BBS5: variants seen among roughly 807,000 people sequenced by gnomAD.
BBS5 encodes BBSome complex member BBS5.
Under a neutral mutation model 50.2 loss-of-function variants are expected in BBS5, and 39 were observed. The ratio of observed to expected loss-of-function variants is 0.78; its 90% CI spans 0.60 to 1.01. The LOEUF (loss-of-function observed/expected upper bound fraction) is 1.01, where lower values mean the gene tolerates loss of function less well. BBS5 is among the 50% of genes least tolerant of loss of function. The pLI is 0.00. For missense variants in BBS5, 356 were observed against 401.5 expected (o/e 0.89, Z 0.97); for synonymous variants, 134 against 133.1 (o/e 1.01, Z -0.05).
At chr2:169,483,894 G>T (rs1350440024) in intron 2 of BBS5, among the ~76,000 whole-genome samples, 2 of 152,156 alleles carry the variant, frequency 1.3e-5, no homozygotes, top group African/African-American at 4.8e-5. Context: ...TATCAAGATG[G>T]CTGTATCTTG....
rs868495844 is a variant in BBS5 at position 169,499,285 on chromosome 2, A to G, written c.682-201A>G. ...ACATGTTGCTGCTTCTTGAAGCTGG[A>G]TGATGGCTCCGTGGAGGCCCCCTTG... On this transcript the variant is annotated intron_variant, in intron 8 of 11. Coordinates refer to ENST00000295240, the MANE Select transcript of BBS5 (RefSeq NM_152384.3). 2.4e-5 allele frequency: 13 copies of G among 534,858 alleles called. No homozygotes were observed. In the African/African-American group the frequency reaches 2.5e-4, roughly 10 times the overall value. The allele number at this position is 534,858 out of a possible 1,614,324, so 33.1% of individuals were successfully genotyped here.
At chr2:169,485,736 C>T (rs537776319) in intron 2 of BBS5, among the ~76,000 whole-genome samples, 61 of 152,292 alleles carry the variant, frequency 4.0e-4, no homozygotes, top group Admixed American at 7.2e-4. Context: ...GTATAGAGTA[C>T]ATCTAAGGGT....
In BBS5 at chr2:169,504,486, A is replaced by G; in HGVS notation, c.930A>G (p.Gln310=). Residue 310 remains glutamine (Q), a synonymous_variant, in exon 12 of 12, where the codon CAA becomes CAG. Coordinates refer to ENST00000295240, the MANE Select transcript of BBS5 (RefSeq NM_152384.3). ...VAYFADGNKQ[Q]DREPVFSEEL... ...TCCTCCTGTCTCCCAAAAAGCAACA[A>G]GATCGTGAACCTGTATTTTCAGAAG... The G allele has an allele frequency of 1.2e-6, 2 of 1,613,824 alleles. No homozygotes were observed. Among genetic ancestry groups the G allele is most frequent in the Non-Finnish European group, 1.7e-6 (2 of 1,179,776 alleles).
At position 169,488,034 on chromosome 2, in the gene BBS5, C is replaced by T; in HGVS notation, c.306C>T (p.Asn102=). The change falls in exon 5 of 12, where the codon AAC becomes AAT. Residue 102 remains asparagine, a synonymous_variant. Coordinates refer to ENST00000295240, the MANE Select transcript of BBS5 (RefSeq NM_152384.3). ...CTCTCTATATACTAACAAAATGTAA[C>T]AGTACTCGTTTTGAATTTATATTTA... ...TEALYILTKC[N]STRFEFIFTN... The T allele has an allele frequency of 6.2e-7, 1 of 1,613,490 alleles. No homozygotes were observed. Among genetic ancestry groups the T allele is most frequent in the Non-Finnish European group, 8.5e-7 (1 of 1,179,550 alleles).
Position 169,505,170 on chromosome 2 carries a change from T to C in BBS5, c.*588T>C, listed in dbSNP as rs1683884469. The C allele has an allele frequency of 1.7e-6, 1 of 601,572 alleles. No homozygotes were observed. The highest frequency in any genetic ancestry group is 1.8e-5 in the African/African-American group (1 of 54,482). The allele number at this position is 601,572 out of a possible 1,614,324, so 37.3% of individuals were successfully genotyped here. ...CGGGGTTTCGCTGTGTTGGCCGGGC[T>C]GGTCTCCAGCTCCTAACCGCGAGTG... is the stretch of plus-strand genomic sequence containing the variant. On this transcript the variant is annotated 3_prime_UTR_variant, in exon 12 of 12. Coordinates refer to ENST00000295240, the MANE Select transcript of BBS5 (RefSeq NM_152384.3).
chr2:169,501,728 C>T (rs1683807263), intron 9 of BBS5, among the ~76,000 whole-genome samples: 1 of 152,074 alleles, frequency 6.6e-6, no homozygotes, highest in African/African-American at 2.4e-5. Context: ...TGACCTATCT[C>T]TTAAAGCAAG....
At chr2:169,504,452 C>T (rs772351161) in intron 11 of BBS5, 29 bp from the exon 12 acceptor site, 4 of 1,597,828 alleles carry the variant, frequency 2.5e-6, no homozygotes, top group Non-Finnish European at 2.6e-6. Flanking sequence ...CTTCTCTATT[C>T]CCATCTTATC....
At chr2:169,501,790 A>G (rs1683808906) in intron 9 of BBS5, among the ~76,000 whole-genome samples, 1 of 152,140 alleles carries the variant, frequency 6.6e-6, no homozygotes. Context: ...TCTTTCTTAC[A>G]AAGTTATTGA....
intron 10 of BBS5, 75 bp from the exon 11 acceptor site, chr2:169,504,228 T>C (rs1313908891): frequency 7.8e-7 from 1 of 1,275,232 alleles, no homozygotes; most frequent in African/African-American, 1.5e-5. Flanking sequence ...TTCTGCATAT[T>C]AAGTTCCTTA....
chr2:169,493,715 C>A (rs762383561), intron 6 of BBS5, 26 bp from the exon 7 acceptor site: 6 of 1,448,052 alleles, frequency 4.1e-6, no homozygotes, highest in Non-Finnish European at 3.9e-6. Flanking sequence ...ATGATCATTT[C>A]GGTATCTCAT....
intron 1 of BBS5, among the ~76,000 whole-genome samples, chr2:169,480,869 C>T (rs923140040): frequency 4.0e-5 from 6 of 151,706 alleles, no homozygotes; most frequent in Admixed American, 6.6e-5. Context: ...TTAGTAGAGA[C>T]GGGGTTTCTC....
Position 169,505,569 on chromosome 2 carries a change from C to T in BBS5, c.*987C>T, listed in dbSNP as rs1483696976. On this transcript the variant is annotated 3_prime_UTR_variant, in exon 12 of 12. Coordinates refer to ENST00000295240, the MANE Select transcript of BBS5 (RefSeq NM_152384.3). ...AGTGAGGAGCTTCTCTGCCTGGCCG[C>T]CCATCGTCTGAGATGTGGGGAGCAC... is the stretch of plus-strand genomic sequence containing the variant. The T allele has an allele frequency of 1.1e-5, 3 of 267,636 alleles. No individual in the cohort carries two copies. Among genetic ancestry groups the T allele is most frequent in the East Asian group, 2.9e-4 (2 of 6,796 alleles). 16.6% of individuals were successfully genotyped at this position (267,636 alleles called of 1,614,324 possible). A position where few individuals can be genotyped will look rare whatever the true frequency, so the allele number is the denominator to read the frequency against.
chr2:169,480,902 T>C (rs1313973507), intron 1 of BBS5, among the ~76,000 whole-genome samples: 1 of 152,070 alleles, frequency 6.6e-6, no homozygotes, highest in East Asian at 1.9e-4. Context: ...GGTCTCGAAC[T>C]CCTGACCTCA....
chr2:169,503,955 A>G (rs1488329660), intron 10 of BBS5, among the ~76,000 whole-genome samples: 1 of 152,194 alleles, frequency 6.6e-6, no homozygotes, highest in Non-Finnish European at 1.5e-5. Context: ...TAGGGAAGAA[A>G]TTGTATAGCT....
rs201553380 is a variant in BBS5, at chr2:169,482,248, T to C, written c.60-3T>C. 378 of 1,596,118 alleles carry C rather than the reference T, an allele frequency of 2.4e-4. 5 individuals are homozygous for C. The South Asian group carries it at 3.0e-3, about 13-fold the overall frequency. On this transcript the variant is annotated splice_polypyrimidine_tract_variant and splice_region_variant and intron_variant, in intron 1 of 11. Transcript: ENST00000295240. The stretch of plus-strand genomic sequence containing the variant: ...AAAATTCAAACCTTTATATTCACTT[T>C]AGGCAAATGAAAACAAGACCTGGAG...
At chr2:169,491,916 T>C (rs79007386) in intron 5 of BBS5, among the ~76,000 whole-genome samples, 28,759 of 151,854 alleles carry the variant, frequency 0.19, 2,819 homozygotes, top group East Asian at 0.3. Flanking sequence ...TCTGCCTCAG[T>C]CTCCCAAGTA....
At chr2:169,502,961 TAATAA>T (rs1483550300) in intron 9 of BBS5, 129 bp from the exon 10 acceptor site, 5 of 728,022 alleles carry the variant, frequency 6.9e-6, no homozygotes, top group Non-Finnish European at 1.2e-5. Flanking sequence ...GTTAGTTTTT[TAATAA>T]AATAACAAAT....
At chr2:169,493,876 A>G (rs976791276) in intron 7 of BBS5, 40 bp downstream of exon 7, 4 of 1,383,294 alleles carry the variant, frequency 2.9e-6, no homozygotes, top group Non-Finnish European at 4.1e-6. Context: ...TTAATGTAAA[A>G]TAAATATTTT....
chr2:169,499,706 A>G (rs1291978943), intron 9 of BBS5, 86 bp downstream of exon 9: 1 of 1,355,700 alleles, frequency 7.4e-7, no homozygotes, highest in Non-Finnish European at 1.1e-6. Context: ...TGCACCATTT[A>G]ATTTTGAACT....
Sources: allele counts gnomAD v4.1 joint callset (sites outside exome capture counted in the v4.1 genomes callset), GRCh38; gene constraint gnomAD v4.1.1; transcripts MANE v1.5; gene names NCBI Gene and HGNC (gene_info 2026-07-23, HGNC 2026-07-21).